Variants in CD200R1L observed in about 807,000 individuals in gnomAD.
The protein encoded by CD200R1L is CD200 receptor 1 like.
In CD200R1L, 14 loss-of-function variants were observed where a neutral mutation model predicts 24.8. That is an observed-to-expected ratio of 0.56 (90% CI 0.37 to 0.88). The LOEUF (loss-of-function observed/expected upper bound fraction) is 0.88, where lower values mean the gene tolerates loss of function less well. CD200R1L is among the 40% of genes least tolerant of loss of function. The pLI is 0.00. For missense variants in CD200R1L, 299 were observed against 297.8 expected, an observed-to-expected ratio of 1.00 and a Z score of -0.03; for synonymous variants, 111 against 109.2, an observed-to-expected ratio of 1.02 and a Z score of -0.11.
Position 112,839,237 on chromosome 3 carries a change from C to G in CD200R1L, c.-86-1227G>C, listed in dbSNP as rs1467473940. ...TTCGGGGTTTTCTGGAATTGGTCAT[C>G]TAATCTAGTTAGATTTAAAAGCACT... On this transcript the variant is annotated intron_variant, in intron 2 of 7. Transcript: ENST00000488794. 3.3e-5 allele frequency among the ~76,000 whole-genome samples: 5 copies of G among 152,166 alleles called. No homozygotes were observed. In the East Asian group the frequency reaches 9.6e-4, roughly 29 times the overall value.
chr3:112,817,414 A>G (rs766458015), intron 7 of CD200R1L, among the ~76,000 whole-genome samples: 1 of 152,190 alleles, frequency 6.6e-6, no homozygotes, highest in Non-Finnish European at 1.5e-5. Context: ...TAATATAGCT[A>G]TGCTACTAAG....
At chr3:112,834,163 C>T (rs1185821835) in intron 3 of CD200R1L, among the ~76,000 whole-genome samples, 1 of 151,706 alleles carries the variant, frequency 6.6e-6, no homozygotes, top group East Asian at 1.9e-4. Flanking sequence ...GTCCCTAGCT[C>T]CCCAGTTCAT....
At chr3:112,829,203 A>T in intron 4 of CD200R1L, 116 bp downstream of exon 4, 1 of 752,888 alleles carries the variant, frequency 1.3e-6, no homozygotes, top group Non-Finnish European at 2.3e-6. Flanking sequence ...CACTCAGATC[A>T]ACATGTTCTT....
chr3:112,836,871 C>T (rs1351312309), intron 3 of CD200R1L, among the ~76,000 whole-genome samples: 1 of 152,130 alleles, frequency 6.6e-6, no homozygotes, highest in Non-Finnish European at 1.5e-5. Flanking sequence ...CTAACTTTGT[C>T]AGGATTTGAT....
chr3:112,819,184 C>T (rs1051856553), intron 7 of CD200R1L, among the ~76,000 whole-genome samples: 1 of 152,126 alleles, frequency 6.6e-6, no homozygotes, highest in Non-Finnish European at 1.5e-5. Context: ...ATCACCTACA[C>T]CAAGTCCCTC....
At position 112,829,385 on chromosome 3, in the gene CD200R1L, C is replaced by A. The variant is rs951105512; in HGVS notation, c.-17-1G>T. ...CCACCCATGCATGAACTACTTGAAG[C>A]TAGAAAACATTTAGAGAAGAATAAG... is the stretch of plus-strand genomic sequence containing the variant. On this transcript the variant is annotated splice_acceptor_variant, in intron 3 of 7. Coordinates refer to ENST00000488794, the MANE Select transcript of CD200R1L (RefSeq NM_001199215.3). LOFTEE classifies it low-confidence loss of function (5UTR_SPLICE). 6.2e-7 allele frequency: 1 copy of A among 1,613,272 alleles called. No homozygotes were observed. The highest frequency in any genetic ancestry group is 8.5e-7 in the Non-Finnish European group (1 of 1,179,394).
intron 6 of CD200R1L, among the ~76,000 whole-genome samples, chr3:112,823,682 A>G (rs1938595741): frequency 6.6e-6 from 1 of 152,360 alleles, no homozygotes. Context: ...AGGAATAGCT[A>G]ACCAAACTTC....
At chr3:112,828,319 G>A (rs1004051419) in intron 4 of CD200R1L, among the ~76,000 whole-genome samples, 1 of 152,052 alleles carries the variant, frequency 6.6e-6, no homozygotes, top group Non-Finnish European at 1.5e-5. Context: ...GTTTTGTTTA[G>A]AGAATTACAG....
intron 2 of CD200R1L, among the ~76,000 whole-genome samples, chr3:112,839,059 A>ATACACACACACACG (rs1559926090): frequency 6.6e-6 from 1 of 151,822 alleles, no homozygotes. Flanking sequence ...ACACACACAC[A>ATACACACACACACG]TACACACACA....
chr3:112,831,848 G>T (rs1002851396), intron 3 of CD200R1L, among the ~76,000 whole-genome samples: 1 of 152,172 alleles, frequency 6.6e-6, no homozygotes, highest in Non-Finnish European at 1.5e-5. Flanking sequence ...TCACTCCATG[G>T]TTCTTTGTTA....
At chr3:112,830,915 G>A (rs1187921750) in intron 3 of CD200R1L, among the ~76,000 whole-genome samples, 2 of 151,814 alleles carry the variant, frequency 1.3e-5, no homozygotes, top group South Asian at 2.1e-4. Context: ...TTCATTTAAA[G>A]TTGCTGTCTC....
At chr3:112,817,337 G>A (rs78321992) in intron 7 of CD200R1L, among the ~76,000 whole-genome samples, 2,722 of 152,248 alleles carry the variant, frequency 0.018, 33 homozygotes, top group South Asian at 0.039. Flanking sequence ...TGGGCTAGAT[G>A]TTGCAGTGAA....
At chr3:112,838,900 G>A (rs186325584) in intron 2 of CD200R1L, among the ~76,000 whole-genome samples, 2 of 152,270 alleles carry the variant, frequency 1.3e-5, no homozygotes, top group East Asian at 3.9e-4. Flanking sequence ...AAAAAGTGAG[G>A]ATTTCCGGAG....
rs991349918 is a variant in CD200R1L, at chr3:112,842,278, C to T, written c.-87+3401G>A. Among the ~76,000 whole-genome samples the T allele has an allele frequency of 4.6e-5, 7 of 152,158 alleles. No individual in the cohort carries two copies. The South Asian group carries it at 8.3e-4, about 18-fold the overall frequency. On this transcript the variant is annotated intron_variant, in intron 2 of 7. Transcript: ENST00000488794. ...CCTGAATGGAGGGACCAGCTGGAGC[C>T]GTGGCAGAGGAACATAAACTGTGAA...
At chr3:112,832,648 A>T (rs987632717) in intron 3 of CD200R1L, among the ~76,000 whole-genome samples, 14 of 152,238 alleles carry the variant, frequency 9.2e-5, no homozygotes, top group Admixed American at 5.9e-4. Context: ...ATCAATGCAA[A>T]ATTACCAAAG....
intron 6 of CD200R1L, among the ~76,000 whole-genome samples, chr3:112,823,352 C>A (rs1211635472): frequency 5.3e-5 from 8 of 152,224 alleles, no homozygotes; most frequent in African/African-American, 9.6e-5. Context: ...TGGGAACTCT[C>A]TGAATTTATA....
intron 6 of CD200R1L, among the ~76,000 whole-genome samples, chr3:112,821,107 T>G (rs2107330687): frequency 6.7e-6 from 1 of 150,056 alleles, no homozygotes; most frequent in East Asian, 2.0e-4. Context: ...ATTGGCCACC[T>G]AAAGAATGTG....
chr3:112,844,693 A>AGG (rs202234058), intron 2 of CD200R1L, among the ~76,000 whole-genome samples: 66 of 152,162 alleles, frequency 4.3e-4, no homozygotes, highest in Non-Finnish European at 6.6e-4. Context: ...TTGGGAGCTG[A>AGG]GGGGGGTGGA....
intron 6 of CD200R1L, among the ~76,000 whole-genome samples, chr3:112,824,825 C>T (rs1364059180): frequency 2.0e-5 from 3 of 152,102 alleles, no homozygotes; most frequent in Admixed American, 6.5e-5. Flanking sequence ...AAATTCAAGG[C>T]AAGAGAATAT....
Sources: gnomAD v4.1 joint callset for allele counts (sites outside exome capture counted in the v4.1 genomes callset) on GRCh38, gnomAD v4.1.1 for gene constraint, MANE v1.5 for transcripts, NCBI Gene and HGNC (gene_info 2026-07-23, HGNC 2026-07-21) for gene names.